The following PARPBP variants were observed in gnomAD, a reference collection of about 807,000 sequenced individuals.
PARPBP encodes PCNA-interacting partner.
In PARPBP, 52 loss-of-function variants were observed where a neutral mutation model predicts 50.0. The ratio of observed to expected loss-of-function variants is 1.04; its 90% CI spans 0.83 to 1.31. PARPBP has a LOEUF of 1.31. PARPBP is among the 50% of genes most tolerant of loss of function. PARPBP has a pLI of 0.00. For synonymous variants in PARPBP, 244 were observed against 232.1 expected, an observed-to-expected ratio of 1.05 and a Z score of -0.47; for missense variants, 697 against 672.0, an observed-to-expected ratio of 1.04 and a Z score of -0.41.
chr12:102,147,159 G>T (rs1480183908), intron 2 of PARPBP, among the ~76,000 whole-genome samples: 1 of 152,174 alleles, frequency 6.6e-6, no homozygotes, highest in Non-Finnish European at 1.5e-5. Flanking sequence ...AGTCAGTGTG[G>T]CTATTCCTCG....
rs765908375 is a variant in PARPBP at position 102,148,274 on chromosome 12, A to G, written c.198A>G (p.Thr66=). Residue 66 remains threonine, a synonymous_variant, in exon 3 of 11, where the codon ACA becomes ACG. Transcript: ENST00000327680. ...FTVSLSDVLL[T]WKYLLHEKLN... is the part of the protein sequence containing the mutation. ...TCTCTCTCAGTGATGTTTTATTGAC[A>G]TGGAAATACTTGCTCCATGAGAAAT... The G allele has an allele frequency of 5.6e-6, 9 of 1,604,850 alleles. 1 individual carries two copies. Among genetic ancestry groups the G allele is most frequent in the Admixed American group, 5.0e-5 (3 of 59,620 alleles).
intron 2 of PARPBP, among the ~76,000 whole-genome samples, chr12:102,142,665 G>A (rs1884793382): frequency 6.6e-6 from 1 of 152,140 alleles, no homozygotes; most frequent in Non-Finnish European, 1.5e-5. Flanking sequence ...GTACAGATGA[G>A]GTTTGGTGTG....
intron 6 of PARPBP, among the ~76,000 whole-genome samples, chr12:102,175,205 C>G (rs895419506): frequency 6.6e-6 from 1 of 152,166 alleles, no homozygotes; most frequent in African/African-American, 2.4e-5. Flanking sequence ...TGTACAACCA[C>G]TTCTGAACCT....
chr12:102,183,262 G>A (rs969581233), intron 9 of PARPBP, among the ~76,000 whole-genome samples: 3 of 152,014 alleles, frequency 2.0e-5, no homozygotes, highest in Admixed American at 6.6e-5. Flanking sequence ...AGACACTGTT[G>A]TATGGTTGGG....
At chr12:102,161,526 CAGAT>C (rs911437762) in intron 4 of PARPBP, among the ~76,000 whole-genome samples, 7 of 152,150 alleles carry the variant, frequency 4.6e-5, no homozygotes, top group African/African-American at 1.7e-4. Context: ...TTGACAAAAA[CAGAT>C]TGATTACCTA....
chr12:102,189,772 C>T (rs73185937), intron 9 of PARPBP, among the ~76,000 whole-genome samples: 2,717 of 151,878 alleles, frequency 0.018, 34 homozygotes, highest in South Asian at 0.047. Context: ...GGACAGTATG[C>T]CTTTTATGGT....
intron 2 of PARPBP, among the ~76,000 whole-genome samples, chr12:102,139,088 A>G (rs1414543132): frequency 1.3e-5 from 2 of 152,136 alleles, no homozygotes; most frequent in African/African-American, 4.8e-5. Flanking sequence ...CAGTATGGCC[A>G]TTTTCACCAT....
chr12:102,166,767 T>C (rs975171706), intron 6 of PARPBP, among the ~76,000 whole-genome samples: 6 of 152,156 alleles, frequency 3.9e-5, no homozygotes, highest in African/African-American at 1.4e-4. Flanking sequence ...CATTCCATTC[T>C]AAGATTCTAA....
rs538089098 is a variant in PARPBP at position 102,174,505 on chromosome 12, C to CA, written c.822-974dup. On this transcript the variant is annotated intron_variant, in intron 6 of 10. Coordinates refer to ENST00000327680, the MANE Select transcript of PARPBP (RefSeq NM_017915.5). ...TTTCATAATTTCCTTTATGCCACTA[C>CA]AAAAGAGAAATTTAATAGCATACCC... is the stretch of plus-strand genomic sequence containing the variant. Among the ~76,000 whole-genome samples the CA allele has an allele frequency of 2.2e-4, 33 of 152,276 alleles. 2 individuals are homozygous for CA. In the South Asian group the frequency reaches 5.0e-3, roughly 23 times the overall value.
At chr12:102,135,388 C>A (rs1455875155) in intron 2 of PARPBP, among the ~76,000 whole-genome samples, 1 of 151,814 alleles carries the variant, frequency 6.6e-6, no homozygotes, top group Non-Finnish European at 1.5e-5. Flanking sequence ...ACTAAAAATA[C>A]AAGAGAATTA....
chr12:102,151,773 G>T (rs573078140), intron 3 of PARPBP: 77 of 1,535,492 alleles, frequency 5.0e-5, no homozygotes, highest in Non-Finnish European at 6.6e-5. Flanking sequence ...GACGAGACCT[G>T]AAGAAGCTGG....
chr12:102,136,058 A>G (rs1883584829), intron 2 of PARPBP, among the ~76,000 whole-genome samples: 1 of 152,144 alleles, frequency 6.6e-6, no homozygotes, highest in South Asian at 2.1e-4. Context: ...TCTCTCCCAC[A>G]TCAATTTTTA....
At chr12:102,189,201 A>G (rs577726509) in intron 9 of PARPBP, among the ~76,000 whole-genome samples, 1 of 152,352 alleles carries the variant, frequency 6.6e-6, no homozygotes, top group Admixed American at 6.5e-5. Flanking sequence ...GGACAAATGC[A>G]GGGTTTCCTT....
intron 7 of PARPBP, 112 bp downstream of exon 7, chr12:102,175,778 T>C (rs1889213022): frequency 1.6e-6 from 1 of 617,958 alleles, no homozygotes; most frequent in South Asian, 3.6e-5. Context: ...GTTTCCTGTG[T>C]TCTAAAATGA....
intron 4 of PARPBP, among the ~76,000 whole-genome samples, chr12:102,157,949 T>C (rs1887132954): frequency 6.6e-6 from 1 of 151,654 alleles, no homozygotes; most frequent in South Asian, 2.1e-4. Context: ...TGAACCCTCG[T>C]CTCTACTAAA....
chr12:102,178,842 G>A, intron 8 of PARPBP, 72 bp downstream of exon 8: 5 of 975,928 alleles, frequency 5.1e-6, no homozygotes, highest in South Asian at 2.5e-5. Context: ...GTATGCTTAT[G>A]GTAGGAAACT....
chr12:102,153,348 T>C (rs1284848554), intron 3 of PARPBP, among the ~76,000 whole-genome samples: 1 of 152,174 alleles, frequency 6.6e-6, no homozygotes, highest in African/African-American at 2.4e-5. Context: ...GCCTTGTGCC[T>C]ATTAAACTCT....
intron 6 of PARPBP, among the ~76,000 whole-genome samples, chr12:102,172,504 A>G (rs1020915737): frequency 6.6e-6 from 1 of 152,214 alleles, no homozygotes; most frequent in African/African-American, 2.4e-5. Flanking sequence ...TGCTGAGCAG[A>G]TATTAGAAGC....
intron 2 of PARPBP, among the ~76,000 whole-genome samples, chr12:102,135,283 G>A (rs1883453510): frequency 6.6e-6 from 1 of 152,090 alleles, no homozygotes; most frequent in Non-Finnish European, 1.5e-5. Flanking sequence ...GGTGGCTCAC[G>A]CCTGTAATCC....
Sources: allele counts gnomAD v4.1 joint callset (sites outside exome capture counted in the v4.1 genomes callset), GRCh38; gene constraint gnomAD v4.1.1; transcripts MANE v1.5; gene names NCBI Gene and HGNC (gene_info 2026-07-23, HGNC 2026-07-21).